AVEN: variants seen among roughly 807,000 people sequenced by gnomAD.
AVEN encodes the protein apoptosis and caspase activation inhibitor, also known as cell death regulator Aven.
Under a neutral mutation model 38.1 loss-of-function variants are expected in AVEN, and 41 were observed. The observed-to-expected ratio is 1.08, with a 90% CI of 0.84 to 1.40. The LOEUF (loss-of-function observed/expected upper bound fraction) is 1.40, where lower values mean the gene tolerates loss of function less well. Ranked by LOEUF, AVEN falls within the 40% of genes most tolerant of loss-of-function variation. The probability of loss-of-function intolerance (pLI) is 0.00; values close to 1 mark genes in which losing one functional copy is unlikely to be tolerated. For missense variants in AVEN, 605 were observed against 438.8 expected (o/e 1.38, Z -3.38); for synonymous variants, 206 against 171.8 (o/e 1.20, Z -1.56).
At chr15:34,026,652 C>A (rs771239242) in intron 1 of AVEN, among the ~76,000 whole-genome samples, 9 of 152,020 alleles carry the variant, frequency 5.9e-5, no homozygotes, top group Non-Finnish European at 1.0e-4. Context: ...GAACAAGGAT[C>A]ACTGAGGACA....
At chr15:34,071,419 G>A (rs188982153) in intron 1 of AVEN, among the ~76,000 whole-genome samples, 13 of 152,242 alleles carry the variant, frequency 8.5e-5, no homozygotes, top group Admixed American at 8.5e-4. Context: ...GACTACAGGT[G>A]CATGCCACCA....
chr15:34,012,473 C>T (rs900591222), intron 1 of AVEN, among the ~76,000 whole-genome samples: 2 of 152,056 alleles, frequency 1.3e-5, no homozygotes, highest in Admixed American at 1.3e-4. Context: ...TTTCTGAAGG[C>T]GGAAAGGGAT....
At chr15:34,002,967 C>T (rs1235070665) in intron 2 of AVEN, 65 bp downstream of exon 2, 13 of 1,356,190 alleles carry the variant, frequency 9.6e-6, no homozygotes, top group East Asian at 2.4e-5. Flanking sequence ...AATTTAAAAA[C>T]ATATATAAAA....
At position 33,867,535 on chromosome 15, in the gene AVEN, C is replaced by T; in HGVS notation, c.933G>A (p.Leu311=). The T allele has an allele frequency of 6.3e-7, 1 of 1,599,800 alleles. No homozygotes were observed. Among genetic ancestry groups the T allele is most frequent in the Non-Finnish European group, 8.5e-7 (1 of 1,173,858 alleles). Residue 311 remains leucine, a synonymous_variant, in exon 5 of 6, where the codon CTG becomes CTA. Transcript: ENST00000306730. ...CCACCTCCCCATCTTCCTTGGATTT[C>T]AGGTCCTGAGACGTCTGATCTGGTA... ...NILPDQTSQD[L]KSKEDGEVVQ...
chr15:33,937,349 ACGGTG>A (rs2153052640), intron 2 of AVEN, among the ~76,000 whole-genome samples: 2 of 150,002 alleles, frequency 1.3e-5, no homozygotes, highest in South Asian at 4.2e-4. Flanking sequence ...CCTGGCTAAC[ACGGTG>A]AAACCCATCT....
At chr15:33,852,696 T>C in the AVEN span, 26 of 203,966 alleles carry the variant, frequency 1.3e-4, no homozygotes, top group African/African-American at 4.0e-4. Context: ...CTGTGTTTTC[T>C]GTAGCATTTT....
chr15:33,907,656 T>C (rs1023162067), intron 2 of AVEN, among the ~76,000 whole-genome samples: 5 of 152,090 alleles, frequency 3.3e-5, no homozygotes, highest in Non-Finnish European at 7.3e-5. Context: ...CTGACAACTG[T>C]AGACAAGTTA....
At chr15:33,867,958 AG>A in intron 4 of AVEN, 103 bp from the exon 5 acceptor site, 2 of 1,426,672 alleles carry the variant, frequency 1.4e-6, no homozygotes, top group African/African-American at 2.9e-5. Context: ...TTTGTGACAG[AG>A]GAAACTCAAT....
At chr15:33,906,489 T>C (rs1247963542) in intron 2 of AVEN, among the ~76,000 whole-genome samples, 3 of 152,240 alleles carry the variant, frequency 2.0e-5, no homozygotes, top group Non-Finnish European at 4.4e-5. Flanking sequence ...TGCTATAAAG[T>C]TGGATGTACA....
chr15:34,047,601 G>C (rs1899758195), intron 5 of AVEN, among the ~76,000 whole-genome samples: 1 of 152,186 alleles, frequency 6.6e-6, no homozygotes, highest in South Asian at 2.1e-4. Flanking sequence ...GCTCCCAGCG[G>C]GAGGATGACT....
intron 2 of AVEN, among the ~76,000 whole-genome samples, chr15:33,944,459 T>C (rs1894433054): frequency 6.6e-6 from 1 of 152,180 alleles, no homozygotes; most frequent in South Asian, 2.1e-4. Flanking sequence ...AAAGTTTCCA[T>C]GTTAAGCACA....
rs752587332 is a variant in AVEN, at chr15:33,867,778, C to T, written c.690G>A (p.Lys230=). 1.2e-6 allele frequency: 2 copies of T among 1,614,118 alleles called. No individual in the cohort carries two copies. The highest frequency in any genetic ancestry group is 1.7e-6 in the Non-Finnish European group (2 of 1,179,986). The change falls in exon 5 of 6, where the codon AAG becomes AAA. Residue 230 remains lysine (K), a synonymous_variant. Coordinates refer to ENST00000306730, the MANE Select transcript of AVEN (RefSeq NM_020371.3). ...DDGKGLGMQL[K]GPLGPGGRGP... Reference sequence around the variant, plus strand: ...CCCTTCCTCCAGGCCCCAAGGGCCCCTTTAACTGCATCCCTAATCCCTTGC... The same window carrying T: ...CCCTTCCTCCAGGCCCCAAGGGCCCTTTTAACTGCATCCCTAATCCCTTGC...
At chr15:33,859,484 CA>C in intron 11 of AVEN, 1 of 1,473,196 alleles carries the variant, frequency 6.8e-7, no homozygotes, top group Non-Finnish European at 9.4e-7. Context: ...AGGGCTGCCA[CA>C]ATCTGACCGA....
chr15:34,013,583 G>T lies in AVEN; in HGVS notation c.268-10374C>A, dbSNP rs1897731044. Among the ~76,000 whole-genome samples the T allele has an allele frequency of 2.6e-5, 4 of 152,180 alleles. No homozygotes were observed. In the South Asian group the frequency reaches 6.2e-4, roughly 24 times the overall value. Reference sequence around the variant, plus strand: ...TTACTGACTTCCAGCACTGGATCAGGCATTGGGAATACAAAGACCAATAAG... The same window carrying T: ...TTACTGACTTCCAGCACTGGATCAGTCATTGGGAATACAAAGACCAATAAG... On this transcript the variant is annotated intron_variant, in intron 1 of 5. Coordinates refer to ENST00000306730, the MANE Select transcript of AVEN (RefSeq NM_020371.3).
At chr15:33,879,370 G>C (rs1357021526) in intron 2 of AVEN, among the ~76,000 whole-genome samples, 1 of 139,304 alleles carries the variant, frequency 7.2e-6, no homozygotes, top group Non-Finnish European at 1.5e-5. Flanking sequence ...CATGGACACA[G>C]GAAGGGGAAC....
chr15:33,887,651 A>C (rs943386335), intron 2 of AVEN, among the ~76,000 whole-genome samples: 1 of 152,208 alleles, frequency 6.6e-6, no homozygotes, highest in Non-Finnish European at 1.5e-5. Context: ...TGAGTTGAAC[A>C]AGACAAGAGA....
chr15:34,053,509 T>C (rs1405594038), intron 5 of AVEN, among the ~76,000 whole-genome samples: 1 of 151,218 alleles, frequency 6.6e-6, no homozygotes, highest in Admixed American at 6.6e-5. Context: ...GAATAGAGAA[T>C]TCAGAAATAA....
At chr15:33,969,237 T>C (rs888716583) in intron 2 of AVEN, 10 of 152,116 alleles carry the variant, frequency 6.6e-5, no homozygotes, top group African/African-American at 2.4e-4. Flanking sequence ...TGGATTTGAA[T>C]TTCTTGCAAC....
rs575559301 is a variant in AVEN at position 33,961,711 on chromosome 15, G to A, written c.445+41321C>T. 1.5e-4 allele frequency among the ~76,000 whole-genome samples: 22 copies of A among 150,960 alleles called. No homozygotes were observed. In the East Asian group the frequency reaches 2.5e-3, roughly 17 times the overall value. On this transcript the variant is annotated intron_variant, in intron 2 of 5. Transcript: ENST00000306730. ...ACCTGTAGTCCCAGCTACTCGGGAG[G>A]CTGAGGCAGGAGAATGGCGTGAACC...
Sources: gnomAD v4.1 joint callset for allele counts (sites outside exome capture counted in the v4.1 genomes callset) on GRCh38, gnomAD v4.1.1 for gene constraint, MANE v1.5 for transcripts, NCBI Gene and HGNC (gene_info 2026-07-23, HGNC 2026-07-21) for gene names.